The following GLRB variants were observed in gnomAD, a reference collection of about 807,000 sequenced individuals.
GLRB encodes the protein glycine receptor beta.
GLRB carries 33 observed loss-of-function variants against 54.2 expected under a neutral mutation model. The ratio of observed to expected loss-of-function variants is 0.61; its 90% CI spans 0.46 to 0.81. The LOEUF is 0.81. Ranked by LOEUF, GLRB falls within the 40% of genes least tolerant of loss-of-function variation. The pLI is 0.00. For synonymous variants in GLRB, 209 were observed against 208.2 expected, an observed-to-expected ratio of 1.00 and a Z score of -0.03; for missense variants, 572 against 584.6, an observed-to-expected ratio of 0.98 and a Z score of 0.22.
rs779320485 is a variant in GLRB, at chr4:157,170,440, G to C, written c.1206G>C (p.Glu402Asp). 5.7e-6 allele frequency: 9 copies of C among 1,584,588 alleles called. No homozygotes were observed. Among genetic ancestry groups the C allele is most frequent in the Non-Finnish European group, 7.8e-6 (9 of 1,153,496 alleles). ...TCAATATTTATTCTTAGGTTGGTGA[G>C]ACCAGATGCAAAAAAGTTTGTACTT... is the stretch of plus-strand genomic sequence containing the variant. ...PVHISTLQVG[E>D]TRCKKVCTSK... The change falls in exon 10 of 10, where the codon GAG (glutamate) becomes GAC (aspartate). Residue 402 changes from glutamate to aspartate, a missense_variant. By Grantham distance (45) the Glu-to-Asp change is conservative. Transcript: ENST00000264428.
intron 4 of GLRB, among the ~76,000 whole-genome samples, chr4:157,136,086 T>C (rs1250274649): frequency 6.6e-6 from 1 of 152,170 alleles, no homozygotes; most frequent in Admixed American, 6.6e-5. Context: ...TTTTAAGATA[T>C]GTGTATACTT....
chr4:157,159,994 A>T (rs1252568629), intron 9 of GLRB, among the ~76,000 whole-genome samples: 1 of 152,166 alleles, frequency 6.6e-6, no homozygotes, highest in Non-Finnish European at 1.5e-5. Flanking sequence ...GCTATTAATT[A>T]TTGCCTCAAT....
intron 7 of GLRB, among the ~76,000 whole-genome samples, chr4:157,140,948 A>G (rs1181449749): frequency 6.6e-6 from 1 of 151,738 alleles, no homozygotes; most frequent in African/African-American, 2.4e-5. Context: ...TCATTTTTTC[A>G]CTTTTAAGCT....
intron 2 of GLRB, among the ~76,000 whole-genome samples, 177 bp from the exon 3 acceptor site, chr4:157,120,379 A>G (rs1319580805): frequency 6.6e-6 from 1 of 150,472 alleles, no homozygotes; most frequent in African/African-American, 2.4e-5. Flanking sequence ...AACTTAAAAT[A>G]TAATAATAAT....
chr4:157,103,131 AAG>A (rs1273849435), intron 2 of GLRB, among the ~76,000 whole-genome samples: 1 of 151,512 alleles, frequency 6.6e-6, no homozygotes, highest in Non-Finnish European at 1.5e-5. Flanking sequence ...GTCTGGGCAA[AAG>A]AGAGAGACTC....
intron 9 of GLRB, among the ~76,000 whole-genome samples, chr4:157,160,154 G>T (rs1169287840): frequency 2.0e-5 from 3 of 152,244 alleles, no homozygotes; most frequent in African/African-American, 7.2e-5. Context: ...ATGGTAGTTT[G>T]TATTTCTGCG....
chr4:157,086,513 T>C (rs150685052), intron 2 of GLRB, among the ~76,000 whole-genome samples: 364 of 152,348 alleles, frequency 2.4e-3, no homozygotes, highest in Non-Finnish European at 4.0e-3. Flanking sequence ...TGGAGAATCT[T>C]GATCGGTATT....
chr4:157,136,387 A>G (rs1736398341), intron 4 of GLRB, 82 bp from the exon 5 acceptor site: 1 of 792,288 alleles, frequency 1.3e-6, no homozygotes, highest in Non-Finnish European at 2.2e-6. Flanking sequence ...TAATCATTGT[A>G]ACCCTTTTTG....
intron 2 of GLRB, among the ~76,000 whole-genome samples, chr4:157,083,991 TA>T (rs1734318530): frequency 6.6e-6 from 1 of 152,128 alleles, no homozygotes; most frequent in African/African-American, 2.4e-5. Context: ...TGCCATAATT[TA>T]TAAGGCATAG....
intron 2 of GLRB, among the ~76,000 whole-genome samples, chr4:157,116,962 G>T (rs1026375736): frequency 6.6e-6 from 1 of 151,544 alleles, no homozygotes; most frequent in African/African-American, 2.4e-5. Context: ...TTGTTTTTTT[G>T]TTGTTGTTTG....
chr4:157,092,428 T>C (rs1174727126), intron 2 of GLRB, among the ~76,000 whole-genome samples: 1 of 152,234 alleles, frequency 6.6e-6, no homozygotes, highest in African/African-American at 2.4e-5. Flanking sequence ...GGATTACCTA[T>C]GTTTGTGATA....
chr4:157,116,265 A>G (rs564275071), intron 2 of GLRB, among the ~76,000 whole-genome samples: 1 of 151,916 alleles, frequency 6.6e-6, no homozygotes, highest in South Asian at 2.1e-4. Flanking sequence ...TTTTGATATA[A>G]AACTCTATTT....
At chr4:157,123,061 A>C (rs919010598) in intron 4 of GLRB, among the ~76,000 whole-genome samples, 4 of 151,756 alleles carry the variant, frequency 2.6e-5, no homozygotes, top group African/African-American at 9.7e-5. Flanking sequence ...TCAGTAAAGT[A>C]ATATTAGTAG....
intron 2 of GLRB, among the ~76,000 whole-genome samples, chr4:157,108,276 G>C (rs947056158): frequency 1.3e-5 from 2 of 152,022 alleles, no homozygotes; most frequent in Non-Finnish European, 2.9e-5. Context: ...ATTTACTAAG[G>C]CTATATCTAT....
Position 157,129,785 on chromosome 4 carries a change from G to T in GLRB, c.298-6684G>T, listed in dbSNP as rs572155260. 9.9e-5 allele frequency among the ~76,000 whole-genome samples: 15 copies of T among 151,468 alleles called. No homozygotes were observed. The East Asian group carries it at 2.7e-3, about 28-fold the overall frequency. ...TTTTGTGGTGTATTGAGGTGACAAT[G>T]GTGCAGCTTAAAGCAAGAAGAGTTT... On this transcript the variant is annotated intron_variant, in intron 4 of 9. Transcript: ENST00000264428.
At chr4:157,146,263 C>T (rs556436168) in intron 8 of GLRB, among the ~76,000 whole-genome samples, 1 of 152,164 alleles carries the variant, frequency 6.6e-6, no homozygotes, top group East Asian at 2.0e-4. Flanking sequence ...GATCTGCCCG[C>T]CTCGACCTCC....
intron 2 of GLRB, among the ~76,000 whole-genome samples, chr4:157,111,573 C>T (rs1442684676): frequency 6.6e-6 from 1 of 151,896 alleles, no homozygotes. Context: ...TTCAGTGTGG[C>T]TGATTTCATA....
At chr4:157,095,306 A>G (rs1327173028) in intron 2 of GLRB, among the ~76,000 whole-genome samples, 1 of 93,502 alleles carries the variant, frequency 1.1e-5, no homozygotes, top group Admixed American at 1.0e-4. Context: ...GTGCCTGAGC[A>G]AAAAAAAAAA....
intron 1 of GLRB, among the ~76,000 whole-genome samples, chr4:157,077,355 TAAA>T (rs1304136323): frequency 4.6e-5 from 7 of 152,166 alleles, no homozygotes; most frequent in Non-Finnish European, 1.5e-5. Flanking sequence ...AAGAAAGCTT[TAAA>T]GCTAACTTAA....
Sources: gnomAD v4.1 joint callset for allele counts (sites outside exome capture counted in the v4.1 genomes callset) on GRCh38, gnomAD v4.1.1 for gene constraint, MANE v1.5 for transcripts, NCBI Gene and HGNC (gene_info 2026-07-23, HGNC 2026-07-21) for gene names.